LARGE1: variants seen among roughly 807,000 people sequenced by gnomAD.
LARGE1 encodes the protein LARGE xylosyl- and glucuronyltransferase 1, also known as xylosyl- and glucuronyltransferase LARGE1.
In LARGE1, 43 loss-of-function variants were observed where a neutral mutation model predicts 87.6. The observed-to-expected ratio is 0.49, with a 90% CI of 0.38 to 0.63. The LOEUF (loss-of-function observed/expected upper bound fraction) is 0.63. Among genes scored for constraint, LARGE1 ranks in the 30% least tolerant of loss-of-function variants. LARGE1 has a pLI of 0.00. For missense variants in LARGE1, 802 were observed against 1,000.2 expected (o/e 0.80, Z 2.67); for synonymous variants, 434 against 394.6 (o/e 1.10, Z -1.18).
intron 12 of LARGE1, among the ~76,000 whole-genome samples, chr22:33,293,236 T>C (rs1932851358): frequency 6.6e-6 from 1 of 152,254 alleles, no homozygotes. Context: ...CCTGGTATAC[T>C]GTAGGTGGTT....
chr22:33,218,212 G>A (rs1025321882), intron 11 of LARGE1, among the ~76,000 whole-genome samples: 3 of 152,178 alleles, frequency 2.0e-5, no homozygotes, highest in Admixed American at 1.3e-4. Context: ...TTACAGGCAT[G>A]AGCCACCATG....
At chr22:33,088,649 T>C in the LARGE1 span, among the ~76,000 whole-genome samples, 1 of 152,158 alleles carries the variant, frequency 6.6e-6, no homozygotes, top group South Asian at 2.1e-4. Flanking sequence ...AGCCAATCAG[T>C]TGCACACAAA....
the LARGE1 span, among the ~76,000 whole-genome samples, chr22:33,089,448 C>T: frequency 7.6e-6 from 1 of 132,336 alleles, no homozygotes; most frequent in Non-Finnish European, 1.5e-5. Flanking sequence ...TCTTCCTCTT[C>T]TTCTTCCTCC....
At chr22:33,328,789 G>A (rs1937462906) in intron 10 of LARGE1, among the ~76,000 whole-genome samples, 2 of 151,986 alleles carry the variant, frequency 1.3e-5, no homozygotes, top group South Asian at 4.2e-4. Flanking sequence ...CATTTGGGAA[G>A]CACTTCCTTG....
intron 2 of LARGE1, among the ~76,000 whole-genome samples, chr22:33,689,169 C>T (rs1266004079): frequency 2.3e-5 from 3 of 130,776 alleles, no homozygotes; most frequent in Non-Finnish European, 5.4e-5. Flanking sequence ...CTCTCTCTCC[C>T]CCCTCCTGTG....
chr22:33,447,052 A>G (rs931274678), intron 6 of LARGE1, among the ~76,000 whole-genome samples: 1 of 152,116 alleles, frequency 6.6e-6, no homozygotes, highest in Non-Finnish European at 1.5e-5. Flanking sequence ...CCACACTGCA[A>G]TCAGCTAATT....
chr22:33,827,599 C>G (rs2062837605), intron 1 of LARGE1, among the ~76,000 whole-genome samples: 1 of 152,204 alleles, frequency 6.6e-6, no homozygotes, highest in Admixed American at 6.5e-5. Context: ...GAACTCACAT[C>G]TGTCCCATCG....
intron 2 of LARGE1, among the ~76,000 whole-genome samples, chr22:33,717,627 T>C (rs556301530): frequency 1.4e-3 from 211 of 152,324 alleles, no homozygotes; most frequent in African/African-American, 4.6e-3. Flanking sequence ...ACAAGTTATC[T>C]GAGAAGGCTC....
intron 5 of LARGE1, among the ~76,000 whole-genome samples, chr22:33,568,905 T>C (rs2148809369): frequency 6.6e-6 from 1 of 151,958 alleles, no homozygotes; most frequent in African/African-American, 2.4e-5. Context: ...CAGGCAGGCA[T>C]AGGAAGGCGG....
chr22:33,251,031 C>T (rs1926989880), intron 11 of LARGE1, among the ~76,000 whole-genome samples: 1 of 152,112 alleles, frequency 6.6e-6, no homozygotes, highest in South Asian at 2.1e-4. Flanking sequence ...AGAAAGTATT[C>T]CCTCTGTTTC....
chr22:33,274,287 G>A lies in LARGE1; in HGVS notation c.*140C>T. 1.2e-6 allele frequency: 1 copy of A among 853,166 alleles called. No individual in the cohort carries two copies. Among genetic ancestry groups the A allele is most frequent in the Non-Finnish European group, 1.9e-6 (1 of 516,848 alleles). The allele number at this position is 853,166 out of a possible 1,614,324, so 52.8% of individuals were successfully genotyped here. A position where few individuals can be genotyped will look rare whatever the true frequency, so the allele number is the denominator to read the frequency against. ...CCTTGTCCAAGGTCTCTGTAGTGAG[G>A]GCAGCTTGGCTGGGCCAAAGAGATA... On this transcript the variant is annotated 3_prime_UTR_variant, in exon 15 of 15. Coordinates refer to ENST00000397394, the MANE Select transcript of LARGE1 (RefSeq NM_133642.5).
intron 6 of LARGE1, among the ~76,000 whole-genome samples, chr22:33,527,389 C>T (rs575828753): frequency 3.1e-4 from 47 of 152,292 alleles, no homozygotes; most frequent in Non-Finnish European, 5.0e-4. Flanking sequence ...GGCATTACCA[C>T]GTGGAAGGAG....
chr22:33,832,728 G>A (rs981399252), intron 1 of LARGE1, among the ~76,000 whole-genome samples: 2 of 152,204 alleles, frequency 1.3e-5, no homozygotes, highest in Non-Finnish European at 2.9e-5. Context: ...CCTGGGAACC[G>A]GTCCAGCTCA....
chr22:33,738,164 G>A (rs184426535), intron 2 of LARGE1, among the ~76,000 whole-genome samples: 1 of 152,214 alleles, frequency 6.6e-6, no homozygotes, highest in Admixed American at 6.5e-5. Context: ...AATGTCCCAG[G>A]AATCCCTCCG....
intron 2 of LARGE1, among the ~76,000 whole-genome samples, chr22:33,720,175 A>C (rs1290099246): frequency 1.3e-5 from 2 of 152,174 alleles, no homozygotes; most frequent in African/African-American, 4.8e-5. Context: ...GTCTTCCTGC[A>C]ATTAGACAGT....
Position 33,382,030 on chromosome 22 carries a change from G to A in LARGE1, c.1020C>T (p.Ala340=), listed in dbSNP as rs927885509. The A allele has an allele frequency of 6.2e-6, 10 of 1,613,960 alleles. No homozygotes were observed. In the African/African-American group the frequency reaches 6.7e-5, roughly 11 times the overall value. The change falls in exon 9 of 15, where the codon GCC becomes GCT. Residue 340 remains alanine, a synonymous_variant. Transcript: ENST00000397394. ...CAAGGAAGGGGTTTTGTTTGATGAC[G>A]GCATTGAAAATATCCTGGGGGATGA... is the stretch of plus-strand genomic sequence containing the variant. ...TSLADQDIFN[A]VIKQNPFLVY...
chr22:33,114,151 C>T, the LARGE1 span, among the ~76,000 whole-genome samples: 1 of 151,826 alleles, frequency 6.6e-6, no homozygotes, highest in South Asian at 2.1e-4. Context: ...GCTGGGATTA[C>T]AGGCGTGAGC....
At position 33,474,136 on chromosome 22, in the gene LARGE1, A is replaced by G. The variant is rs73409033; in HGVS notation, c.788-41871T>C. 4.2e-3 allele frequency among the ~76,000 whole-genome samples: 646 copies of G among 152,268 alleles called. 2 individuals carry two copies. The highest frequency in any genetic ancestry group is 0.014 in the African/African-American group (583 of 41,546). ...GGCCTCAAACATATATTGTTGGCCAATGTATCTAGTCTTTTATTTTTATTT... is the reference window on the plus strand; with the variant it reads ...GGCCTCAAACATATATTGTTGGCCAGTGTATCTAGTCTTTTATTTTTATTT... On this transcript the variant is annotated intron_variant, in intron 6 of 14. Transcript: ENST00000397394.
upstream of LARGE1, among the ~76,000 whole-genome samples, chr22:33,921,278 C>A (rs1377513401): frequency 6.6e-6 from 1 of 152,148 alleles, no homozygotes; most frequent in Non-Finnish European, 1.5e-5. The surrounding 1 kb of genome is among the most constrained non-coding windows in gnomAD (Gnocchi z 4.1). Flanking sequence ...CGGGCCGGGT[C>A]GGGATGAAAG....
Sources: gnomAD v4.1 joint callset for allele counts (sites outside exome capture counted in the v4.1 genomes callset) on GRCh38, gnomAD v4.1.1 for gene constraint, Gnocchi (gnomAD v3.1) non-coding constraint, MANE v1.5 for transcripts, NCBI Gene and HGNC (gene_info 2026-07-23, HGNC 2026-07-21) for gene names.